Variants in PIK3C2A observed in about 807,000 individuals in gnomAD.
The protein encoded by PIK3C2A is phosphatidylinositol 4-phosphate 3-kinase C2 domain-containing subunit alpha.
PIK3C2A carries 97 observed loss-of-function variants against 204.5 expected under a neutral mutation model. The observed-to-expected ratio is 0.47, with a 90% CI of 0.40 to 0.56. The LOEUF is 0.56. Among genes scored for constraint, PIK3C2A ranks in the 20% least tolerant of loss-of-function variants. PIK3C2A has a pLI of 0.00. For synonymous variants in PIK3C2A, 653 were observed against 664.4 expected, an observed-to-expected ratio of 0.98 and a Z score of 0.26; for missense variants, 1,735 against 1,969.2, an observed-to-expected ratio of 0.88 and a Z score of 2.25.
In PIK3C2A at chr11:17,099,919, G is replaced by A. The variant is rs369525742; in HGVS notation, c.4059C>T (p.Tyr1353=). The change falls in exon 26 of 33, where the codon TAC becomes TAT. Residue 1353 remains tyrosine, a synonymous_variant. Transcript: ENST00000691414. ...TTTGGGGTTGAAGTGCATCTCTAAC[G>A]TATTTCAAATCTTGAATACTTGTAA... is the stretch of plus-strand genomic sequence containing the variant. The part of the protein sequence containing the change: ...PELTSIQDLK[Y]VRDALQPQTT... 1,079 of 1,598,386 alleles carry A rather than the reference G, an allele frequency of 6.8e-4. 15 individuals carry two copies. In the South Asian group the frequency reaches 0.011, roughly 17 times the overall value.
chr11:17,115,399 G>C (rs975079355), intron 19 of PIK3C2A, among the ~76,000 whole-genome samples: 2 of 149,524 alleles, frequency 1.3e-5, no homozygotes, highest in African/African-American at 4.9e-5. Flanking sequence ...AAAAAAGACA[G>C]GCATGGTGGC....
In PIK3C2A at chr11:17,116,810, C is replaced by T. The variant is rs533265877; in HGVS notation, c.3216+681G>A. ...TTCACCATGTTAACCAGGATGGTCT[C>T]GATCTCCTGACCTCGTGATCTGCCC... On this transcript the variant is annotated intron_variant, in intron 19 of 32. Transcript: ENST00000691414. 3.9e-5 allele frequency among the ~76,000 whole-genome samples: 6 copies of T among 152,112 alleles called. No homozygotes were observed. The South Asian group carries it at 8.3e-4, about 21-fold the overall frequency.
chr11:17,134,713 C>T, intron 11 of PIK3C2A, 106 bp downstream of exon 11: 1 of 811,416 alleles, frequency 1.2e-6, no homozygotes, highest in Non-Finnish European at 2.1e-6. Context: ...ATTGCCAAGG[C>T]TGGTCTCCAA....
chr11:17,203,343 GAAGA>G (rs775649317), intron 1 of PIK3C2A, among the ~76,000 whole-genome samples: 11 of 149,604 alleles, frequency 7.4e-5, no homozygotes, highest in Admixed American at 4.0e-4. Context: ...AAAAAAAAAA[GAAGA>G]AAGAAAAAAA....
At chr11:17,186,054 C>T (rs188239315) in intron 1 of PIK3C2A, among the ~76,000 whole-genome samples, 1 of 152,324 alleles carries the variant, frequency 6.6e-6, no homozygotes, top group East Asian at 1.9e-4. Flanking sequence ...TAACTGTGCA[C>T]TGCTTCCATC....
At chr11:17,151,778 A>G (rs1432405382) in intron 3 of PIK3C2A, among the ~76,000 whole-genome samples, 3 of 152,196 alleles carry the variant, frequency 2.0e-5, no homozygotes, top group Non-Finnish European at 2.9e-5. Flanking sequence ...CCTTCTTGTC[A>G]AATAACTGAG....
chr11:17,178,382 C>T (rs574967959), intron 1 of PIK3C2A, among the ~76,000 whole-genome samples: 2 of 151,990 alleles, frequency 1.3e-5, no homozygotes. Flanking sequence ...AAGAGAGAAA[C>T]AGGAACAAAA....
At position 17,089,625 on chromosome 11, in the gene PIK3C2A, A is replaced by G. The variant is rs919007207; in HGVS notation, c.*113T>C. 3.0e-6 allele frequency: 2 copies of G among 657,500 alleles called. No individual in the cohort carries two copies. Among genetic ancestry groups the G allele is most frequent in the African/African-American group, 3.6e-5 (2 of 54,906 alleles). The allele number at this position is 657,500 out of a possible 1,614,324, so 40.7% of individuals were successfully genotyped here. ...TTAACTTTATAAGTTCTGTCCAAGT[A>G]TAAAAATACTATACAAAATTAACAA... On this transcript the variant is annotated 3_prime_UTR_variant, in exon 33 of 33. Coordinates refer to ENST00000691414, the MANE Select transcript of PIK3C2A (RefSeq NM_002645.4).
In PIK3C2A at chr11:17,169,058, G is replaced by C; in HGVS notation, c.684C>G (p.Asp228Glu). The change falls in exon 2 of 33, where the codon GAC (aspartate) becomes GAG (glutamate). Residue 228 changes from aspartate (D) to glutamate (E), a missense_variant. Transcript: ENST00000691414. ...VVSTDMAKLF[D>E]KIASTSEFLK... ...AAAATTCTGATGTACTAGCTATTTTGTCAAATAGTTTTGCCATGTCAGTAC... is the reference window on the plus strand; with the variant it reads ...AAAATTCTGATGTACTAGCTATTTTCTCAAATAGTTTTGCCATGTCAGTAC... 6.2e-7 allele frequency: 1 copy of C among 1,613,966 alleles called. No individual in the cohort carries two copies. Among genetic ancestry groups the C allele is most frequent in the Non-Finnish European group, 8.5e-7 (1 of 1,179,898 alleles).
At chr11:17,108,970 T>C (rs1848914232) in intron 22 of PIK3C2A, among the ~76,000 whole-genome samples, 1 of 152,072 alleles carries the variant, frequency 6.6e-6, no homozygotes, top group Non-Finnish European at 1.5e-5. Flanking sequence ...CTGGAACCAA[T>C]GGGTAAAAGA....
intron 1 of PIK3C2A, among the ~76,000 whole-genome samples, chr11:17,171,164 T>C (rs1225821004): frequency 1.3e-5 from 2 of 152,200 alleles, no homozygotes; most frequent in Non-Finnish European, 2.9e-5. Context: ...TATGTCTTAG[T>C]TTCCTAATTT....
intron 1 of PIK3C2A, among the ~76,000 whole-genome samples, chr11:17,174,054 G>A (rs567327870): frequency 6.6e-6 from 1 of 152,094 alleles, no homozygotes; most frequent in Non-Finnish European, 1.5e-5. Flanking sequence ...TTGAACTCCT[G>A]ACCTCAAGTG....
chr11:17,203,297 A>G (rs1186558879), intron 1 of PIK3C2A, among the ~76,000 whole-genome samples: 1 of 151,900 alleles, frequency 6.6e-6, no homozygotes, highest in Non-Finnish European at 1.5e-5. Flanking sequence ...GTTCAAGACC[A>G]GCCTGGTCAA....
rs1305790690 is a variant in PIK3C2A at position 17,092,155 on chromosome 11, T to C, written c.4569+4A>G. 1.3e-6 allele frequency: 2 copies of C among 1,540,626 alleles called. No individual in the cohort carries two copies. The highest frequency in any genetic ancestry group is 1.8e-6 in the Non-Finnish European group (2 of 1,113,294). ...TGTTATTACTTCTCATTTAGTAAGG[T>C]TACCTCTGCTACATCCGTTGAAGCA... On this transcript the variant is annotated splice_donor_region_variant and intron_variant, in intron 29 of 32. Coordinates refer to ENST00000691414, the MANE Select transcript of PIK3C2A (RefSeq NM_002645.4).
chr11:17,111,725 A>T (rs370372636), intron 21 of PIK3C2A, among the ~76,000 whole-genome samples: 10 of 151,894 alleles, frequency 6.6e-5, no homozygotes, highest in Middle Eastern at 3.4e-3. Context: ...AAAAATAAAA[A>T]AATTAGTTGG....
intron 24 of PIK3C2A, among the ~76,000 whole-genome samples, chr11:17,102,314 G>A (rs1172113120): frequency 1.3e-5 from 2 of 152,138 alleles, no homozygotes. Flanking sequence ...GCGGGCGCCT[G>A]TAGTCCCAGC....
chr11:17,171,667 T>G (rs1223765972), intron 1 of PIK3C2A, among the ~76,000 whole-genome samples: 1 of 152,238 alleles, frequency 6.6e-6, no homozygotes, highest in Non-Finnish European at 1.5e-5. Flanking sequence ...TATACACACT[T>G]TACTGTATGT....
At chr11:17,181,313 G>T (rs767900376) in intron 1 of PIK3C2A, among the ~76,000 whole-genome samples, 3 of 150,402 alleles carry the variant, frequency 2.0e-5, no homozygotes, top group Non-Finnish European at 4.4e-5. Context: ...CCATCCTGAA[G>T]TTATCTAAGA....
At chr11:17,128,090 A>G (rs112912470) in intron 13 of PIK3C2A, among the ~76,000 whole-genome samples, 313 of 152,330 alleles carry the variant, frequency 2.1e-3, no homozygotes, top group African/African-American at 7.2e-3. Flanking sequence ...TGTGAGAAAT[A>G]TAAGGATACC....
Sources: gnomAD v4.1 joint callset for allele counts (sites outside exome capture counted in the v4.1 genomes callset) on GRCh38, gnomAD v4.1.1 for gene constraint, MANE v1.5 for transcripts, NCBI Gene and HGNC (gene_info 2026-07-23, HGNC 2026-07-21) for gene names.